Variants in NPR2 observed in about 807,000 individuals in gnomAD.
NPR2 encodes the protein natriuretic peptide receptor 2, also known as atrial natriuretic peptide receptor 2.
Under a neutral mutation model 120.7 loss-of-function variants are expected in NPR2, and 49 were observed. The observed-to-expected ratio is 0.41, with a 90% CI of 0.32 to 0.52. The LOEUF (loss-of-function observed/expected upper bound fraction) is 0.52. Ranked by LOEUF, NPR2 falls within the 20% of genes least tolerant of loss-of-function variation. The pLI is 0.36. For missense variants in NPR2, 931 were observed against 1,362.9 expected (o/e 0.68, Z 4.99); for synonymous variants, 484 against 519.8 (o/e 0.93, Z 0.94).
rs1222379811 is a variant in NPR2, at chr9:35,800,454, A to G, written c.1189A>G (p.Met397Val). The change falls in exon 5 of 22, where the codon ATG (methionine) becomes GTG (valine). Residue 397 changes from methionine to valine, a missense_variant. Physicochemically the swap from Met to Val is conservative, Grantham distance 21 (BLOSUM62 1). Transcript: ENST00000342694. The surrounding 1 kb of genome is among the most constrained non-coding windows in gnomAD (Gnocchi z 4.7). ...AGAGACTGACTTTGTCCTCTGGGCCATGGGAGACCTGGATTCTGGGGACTT... is the reference window on the plus strand; with the variant it reads ...AGAGACTGACTTTGTCCTCTGGGCCGTGGGAGACCTGGATTCTGGGGACTT... ...DRETDFVLWA[M>V]GDLDSGDFQP... The G allele has an allele frequency of 1.2e-6, 2 of 1,613,958 alleles. No individual in the cohort carries two copies. The highest frequency in any genetic ancestry group is 1.7e-6 in the Non-Finnish European group (2 of 1,179,950).
rs1216492384 is a variant in NPR2, at chr9:35,805,623, G to T, written c.2000G>T (p.Ser667Ile). The T allele has an allele frequency of 6.2e-7, 1 of 1,614,198 alleles. No individual in the cohort carries two copies. The highest frequency in any genetic ancestry group is 8.5e-7 in the Non-Finnish European group (1 of 1,180,042). The change falls in exon 13 of 22, where the codon AGC becomes ATC. Residue 667 changes from serine (S) to isoleucine (I), a missense_variant. Transcript: ENST00000342694. This position sits in a 1 kb window ranked among gnomAD's most constrained non-coding sequence, Gnocchi z 4.9. ...VLKITDYGLA[S>I]FRSTAEPDDS... ...AAAATCACAGACTATGGCCTGGCCA[G>T]CTTCCGATCAACTGCTGAACCTGAT...
At chr9:35,799,398 T>G (rs1387278373) in intron 2 of NPR2, among the ~76,000 whole-genome samples, 2 of 150,136 alleles carry the variant, frequency 1.3e-5, no homozygotes, top group Non-Finnish European at 3.0e-5. Context: ...CACTCCCTCT[T>G]CCCAGATGTA....
chr9:35,803,314 C>T lies in NPR2; in HGVS notation c.1887+511C>T, dbSNP rs1235369395. ...AGAGACGGGGTTTCACCGTTTTAGCCGGGATGGTCTCGATCTCTTGACCTC... is the reference window on the plus strand; with the variant it reads ...AGAGACGGGGTTTCACCGTTTTAGCTGGGATGGTCTCGATCTCTTGACCTC... On this transcript the variant is annotated intron_variant, in intron 12 of 21. Transcript: ENST00000342694. Among the ~76,000 whole-genome samples the T allele has an allele frequency of 4.6e-5, 4 of 86,404 alleles. No homozygotes were observed. The East Asian group carries it at 1.7e-3, about 38-fold the overall frequency. 56.7% of individuals were successfully genotyped at this position (86,404 alleles called of 152,430 possible).
rs768021869 is a variant in NPR2 at position 35,808,873 on chromosome 9, C to G, written c.2986+20C>G. 3.5e-6 allele frequency: 5 copies of G among 1,408,596 alleles called. No individual in the cohort carries two copies. The highest frequency in any genetic ancestry group is 5.0e-6 in the Non-Finnish European group (5 of 992,126). 87.3% of individuals were successfully genotyped at this position (1,408,596 alleles called of 1,614,324 possible). On this transcript the variant is annotated intron_variant, in intron 20 of 21. Coordinates refer to ENST00000342694, the MANE Select transcript of NPR2 (RefSeq NM_003995.4). The surrounding 1 kb of genome is among the most constrained non-coding windows in gnomAD (Gnocchi z 4.0). Reference sequence around the variant, plus strand: ...GTCAAGGTAAGACATTAGCCCTCAACCCCACTGTTGGCCTCAATTTATCTT... The same window carrying G: ...GTCAAGGTAAGACATTAGCCCTCAAGCCCACTGTTGGCCTCAATTTATCTT...
Position 35,808,856 on chromosome 9 carries a change from A to G in NPR2, c.2986+3A>G. The G allele has an allele frequency of 1.3e-6, 2 of 1,544,980 alleles. No individual in the cohort carries two copies. Among genetic ancestry groups the G allele is most frequent in the Non-Finnish European group, 1.8e-6 (2 of 1,116,912 alleles). On this transcript the variant is annotated splice_donor_region_variant and intron_variant, in intron 20 of 21. Transcript: ENST00000342694. The surrounding 1 kb of genome is among the most constrained non-coding windows in gnomAD (Gnocchi z 4.0). ...TCGAATGGAGTCTAATGGTCAAGGTAAGACATTAGCCCTCAACCCCACTGT... is the reference window on the plus strand; with the variant it reads ...TCGAATGGAGTCTAATGGTCAAGGTGAGACATTAGCCCTCAACCCCACTGT...
Position 35,792,291 on chromosome 9 carries a change from C to T in NPR2, c.-118C>T. The T allele has an allele frequency of 9.1e-7, 1 of 1,103,512 alleles. No homozygotes were observed. Among genetic ancestry groups the T allele is most frequent in the Non-Finnish European group, 1.3e-6 (1 of 782,858 alleles). The allele number at this position is 1,103,512 out of a possible 1,614,324, so 68.4% of individuals were successfully genotyped here. On this transcript the variant is annotated 5_prime_UTR_variant, in exon 1 of 22. Transcript: ENST00000342694. The stretch of plus-strand genomic sequence containing the variant: ...CCTTCTGCATCCCAGCCTACCTAGC[C>T]TACTCCTCCTCTTCCTGGCCCTCTT...
chr9:35,792,535 C>T lies in NPR2; in HGVS notation c.127C>T (p.Pro43Ser). ...CAACCTGAGCTATGCCTGGGCCTGGCCACGGGTGGGACCCGCTGTGGCACT... is the reference window on the plus strand; with the variant it reads ...CAACCTGAGCTATGCCTGGGCCTGGTCACGGGTGGGACCCGCTGTGGCACT... ...EHNLSYAWAWPRVGPAVALAV... is the reference protein window; with the variant it reads ...EHNLSYAWAWSRVGPAVALAV... The change falls in exon 1 of 22, where the codon CCA (proline) becomes TCA (serine). Residue 43 changes from proline (P) to serine (S), a missense_variant. Pro to Ser is a moderately conservative substitution (Grantham distance 74). This residue lies in a region of NPR2 where 681 missense variants were observed against 974.3 expected (regional missense o/e 0.70). Coordinates refer to ENST00000342694, the MANE Select transcript of NPR2 (RefSeq NM_003995.4). The T allele has an allele frequency of 6.2e-7, 1 of 1,611,170 alleles. No individual in the cohort carries two copies. Among genetic ancestry groups the T allele is most frequent in the East Asian group, 2.2e-5 (1 of 44,878 alleles).
chr9:35,799,740 A>T lies in NPR2; in HGVS notation c.987+9A>T. On this transcript the variant is annotated intron_variant, in intron 3 of 21. Coordinates refer to ENST00000342694, the MANE Select transcript of NPR2 (RefSeq NM_003995.4). ...AGCTGGGCCCTTCCCTGGTAAGTAG[A>T]TCTCTCCCTTCCTGAGAGTCAGGTC... is the stretch of plus-strand genomic sequence containing the variant. 1 of 1,598,600 alleles carries T rather than the reference A, an allele frequency of 6.3e-7. No individual in the cohort carries two copies. The highest frequency in any genetic ancestry group is 1.1e-5 in the South Asian group (1 of 90,744).
chr9:35,807,618 A>G (rs936234665), intron 18 of NPR2, among the ~76,000 whole-genome samples: 1 of 152,178 alleles, frequency 6.6e-6, no homozygotes, highest in African/African-American at 2.4e-5. Context: ...TGACTTCCCT[A>G]ATCAGAACCA....
In NPR2 at chr9:35,808,294, T is replaced by C. The variant is rs746085961; in HGVS notation, c.2713-215T>C. The C allele has an allele frequency of 6.2e-7, 1 of 1,609,600 alleles. No individual in the cohort carries two copies. On this transcript the variant is annotated intron_variant, in intron 18 of 21. Coordinates refer to ENST00000342694, the MANE Select transcript of NPR2 (RefSeq NM_003995.4). This position sits in a 1 kb window ranked among gnomAD's most constrained non-coding sequence, Gnocchi z 4.0. ...ATTCATTCCGCAAATGTTTACTGAG[T>C]ATTCACCAGGTGCTGGGTGGAGAAA...
chr9:35,806,639 C>A lies in NPR2; in HGVS notation c.2519+101C>A. 7.6e-7 allele frequency: 1 copy of A among 1,310,864 alleles called. No homozygotes were observed. The highest frequency in any genetic ancestry group is 1.2e-5 in the South Asian group (1 of 83,976). 81.2% of individuals were successfully genotyped at this position (1,310,864 alleles called of 1,614,324 possible). A position where few individuals can be genotyped will look rare whatever the true frequency, so the allele number is the denominator to read the frequency against. Reference sequence around the variant, plus strand: ...GAACTCGCCTCCCCACCCTCAGAACCCTGCTGGCCACAGGGAGCACCCCTG... The same window carrying A: ...GAACTCGCCTCCCCACCCTCAGAACACTGCTGGCCACAGGGAGCACCCCTG... On this transcript the variant is annotated intron_variant, in intron 16 of 21. Coordinates refer to ENST00000342694, the MANE Select transcript of NPR2 (RefSeq NM_003995.4). The surrounding 1 kb of genome is among the most constrained non-coding windows in gnomAD (Gnocchi z 4.6).
intron 2 of NPR2, among the ~76,000 whole-genome samples, chr9:35,799,361 G>A (rs1179093265): frequency 6.6e-6 from 1 of 151,596 alleles, no homozygotes; most frequent in Non-Finnish European, 1.5e-5. Flanking sequence ...CCCAGAACCA[G>A]TCCTATCTAC....
chr9:35,808,107 G>C lies in NPR2; in HGVS notation c.2713-402G>C. ...TTTGGCACAATTACCAAAATCAAAT[G>C]CCTGCTTTCCTCCTCTCTGACAGTT... On this transcript the variant is annotated intron_variant, in intron 18 of 21. Coordinates refer to ENST00000342694, the MANE Select transcript of NPR2 (RefSeq NM_003995.4). This position sits in a 1 kb window ranked among gnomAD's most constrained non-coding sequence, Gnocchi z 4.0. The C allele has an allele frequency of 1.7e-6, 2 of 1,185,142 alleles. No individual in the cohort carries two copies. The highest frequency in any genetic ancestry group is 2.5e-6 in the Non-Finnish European group (2 of 795,024). The allele number at this position is 1,185,142 out of a possible 1,614,324, so 73.4% of individuals were successfully genotyped here. A position where few individuals can be genotyped will look rare whatever the true frequency, so the allele number is the denominator to read the frequency against.
In NPR2 at chr9:35,792,838, C is replaced by T. The variant is rs1827829060; in HGVS notation, c.430C>T (p.Pro144Ser). Residue 144 changes from proline (P) to serine (S), a missense_variant, in exon 1 of 22, where the codon CCC (proline) becomes TCC (serine). Pro to Ser is a moderately conservative substitution (Grantham distance 74). Transcript: ENST00000342694. ...DHYRTLVRTG[P>S]SAPKLGEFVV... ...TTATCGTACCCTGGTTCGCACTGGC[C>T]CCTCTGCTCCCAAGCTGGGTGAGTT... 1.2e-6 allele frequency: 2 copies of T among 1,614,206 alleles called. No homozygotes were observed. The highest frequency in any genetic ancestry group is 8.5e-7 in the Non-Finnish European group (1 of 1,180,038).
intron 2 of NPR2, among the ~76,000 whole-genome samples, chr9:35,795,562 G>A (rs756170407): frequency 6.6e-6 from 1 of 152,192 alleles, no homozygotes; most frequent in African/African-American, 2.4e-5. Flanking sequence ...ATTTGGTTGC[G>A]ACTGACGAGT....
chr9:35,798,636 CAA>C (rs1377263757), intron 2 of NPR2, among the ~76,000 whole-genome samples: 2 of 152,212 alleles, frequency 1.3e-5, no homozygotes, highest in African/African-American at 4.8e-5. Flanking sequence ...TATCATTTCA[CAA>C]AGTCATGTTT....
intron 2 of NPR2, among the ~76,000 whole-genome samples, chr9:35,799,085 T>G (rs1828038672): frequency 6.6e-6 from 1 of 152,228 alleles, no homozygotes; most frequent in African/African-American, 2.4e-5. Context: ...ATCTCTCTAA[T>G]TCACTGGGCG....
chr9:35,806,871 T>G lies in NPR2; in HGVS notation c.2520-152T>G. The G allele has an allele frequency of 1.2e-6, 1 of 846,710 alleles. No individual in the cohort carries two copies. Among genetic ancestry groups the G allele is most frequent in the Non-Finnish European group, 1.9e-6 (1 of 526,644 alleles). 52.4% of individuals were successfully genotyped at this position (846,710 alleles called of 1,614,324 possible). On this transcript the variant is annotated intron_variant, in intron 16 of 21. Transcript: ENST00000342694. The surrounding 1 kb of genome is among the most constrained non-coding windows in gnomAD (Gnocchi z 4.6). ...TTGTGTGCCTTACCTTGCATTAGAC[T>G]GTAATGTCTTCCCAGCCACTTTCCT...
Position 35,806,343 on chromosome 9 carries a change from G to C in NPR2, c.2373-49G>C, listed in dbSNP as rs113519039. The C allele has an allele frequency of 1.2e-6, 2 of 1,611,688 alleles. No individual in the cohort carries two copies. Among genetic ancestry groups the C allele is most frequent in the African/African-American group, 2.7e-5 (2 of 74,966 alleles). ...AGGGTGGGTTGGATAGGAAGTCCTGGGAATCTTCAGAATCTTAGAGCAAGT... is the reference window on the plus strand; with the variant it reads ...AGGGTGGGTTGGATAGGAAGTCCTGCGAATCTTCAGAATCTTAGAGCAAGT... On this transcript the variant is annotated intron_variant, in intron 15 of 21. Coordinates refer to ENST00000342694, the MANE Select transcript of NPR2 (RefSeq NM_003995.4). The surrounding 1 kb of genome is among the most constrained non-coding windows in gnomAD (Gnocchi z 4.6).
Sources: gnomAD v4.1 joint callset for allele counts (sites outside exome capture counted in the v4.1 genomes callset) on GRCh38, gnomAD v4.1.1 for gene constraint, gnomAD v4.1.1 regional missense constraint, Gnocchi (gnomAD v3.1) non-coding constraint, MANE v1.5 for transcripts, NCBI Gene and HGNC (gene_info 2026-07-23, HGNC 2026-07-21) for gene names.